ABLIM1: variants seen among roughly 807,000 people sequenced by gnomAD.
ABLIM1 encodes actin binding LIM protein 1, also known as actin-binding LIM protein 1.
In ABLIM1, 40 loss-of-function variants were observed where a neutral mutation model predicts 107.0. The ratio of observed to expected loss-of-function variants is 0.37; its 90% CI spans 0.29 to 0.49. The LOEUF (loss-of-function observed/expected upper bound fraction) is 0.49, where lower values mean the gene tolerates loss of function less well. Among genes scored for constraint, ABLIM1 ranks in the 20% least tolerant of loss-of-function variants. The pLI is 0.97. For missense variants in ABLIM1, 857 were observed against 1,008.5 expected (o/e 0.85, Z 2.04); for synonymous variants, 357 against 357.3 (o/e 1.00, Z 0.01).
intron 1 of ABLIM1, among the ~76,000 whole-genome samples, chr10:114,682,349 T>A (rs12782152): frequency 0.051 from 7,785 of 152,270 alleles, 249 homozygotes; most frequent in Middle Eastern, 0.088. Context: ...CTTCTCTTAC[T>A]AAAGAGAGAT....
chr10:114,478,924 C>G (rs1482575846), intron 8 of ABLIM1, among the ~76,000 whole-genome samples: 1 of 152,078 alleles, frequency 6.6e-6, no homozygotes, highest in Non-Finnish European at 1.5e-5. Flanking sequence ...ATTCTGTTTA[C>G]CTGTCTATAT....
intron 1 of ABLIM1, among the ~76,000 whole-genome samples, chr10:114,748,661 T>G (rs991851378): frequency 1.4e-5 from 2 of 145,272 alleles, no homozygotes; most frequent in African/African-American, 5.0e-5. Context: ...TTTTTTTTCT[T>G]TTTTTTTTTT....
chr10:114,631,031 G>A (rs2078141998), intron 1 of ABLIM1, among the ~76,000 whole-genome samples: 1 of 152,144 alleles, frequency 6.6e-6, no homozygotes, highest in Admixed American at 6.5e-5. Context: ...TCTCTAGAGA[G>A]GAGAGGGGAA....
Position 114,547,678 on chromosome 10 carries a change from T to C in ABLIM1, c.772A>G (p.Lys258Glu), listed in dbSNP as rs780677390. The C allele has an allele frequency of 1.2e-6, 2 of 1,613,850 alleles. No individual in the cohort carries two copies. Among genetic ancestry groups the C allele is most frequent in the Non-Finnish European group, 1.7e-6 (2 of 1,180,024 alleles). The change falls in exon 5 of 23, where the codon AAG (lysine) becomes GAG (glutamate). Residue 258 changes from lysine (K) to glutamate (E), a missense_variant. By Grantham distance (56) the Lys-to-Glu change is moderately conservative (BLOSUM62 1). Coordinates refer to ENST00000533213, the MANE Select transcript of ABLIM1 (RefSeq NM_002313.7). Reference sequence around the variant, plus strand: ...CTGATGTACTCCCCGGTGAGGACCTTCCCGCAGGACTTGCATTTAAAGCAC... The same window carrying C: ...CTGATGTACTCCCCGGTGAGGACCTCCCCGCAGGACTTGCATTTAAAGCAC... ...LGCFKCKSCGKVLTGEYISKD... is the reference protein window; with the variant it reads ...LGCFKCKSCGEVLTGEYISKD...
intron 8 of ABLIM1, among the ~76,000 whole-genome samples, chr10:114,481,112 T>C (rs2057297455): frequency 2.0e-5 from 3 of 152,162 alleles, no homozygotes; most frequent in Non-Finnish European, 4.4e-5. Flanking sequence ...CTCTTCCGTT[T>C]CCATTACAGG....
At chr10:114,585,076 G>A (rs898601184) in intron 2 of ABLIM1, among the ~76,000 whole-genome samples, 4 of 151,916 alleles carry the variant, frequency 2.6e-5, no homozygotes, top group Non-Finnish European at 5.9e-5. Flanking sequence ...CCATTGCACA[G>A]ATTACTTTAA....
chr10:114,646,181 T>G (rs1446436264), intron 1 of ABLIM1, among the ~76,000 whole-genome samples: 2 of 152,180 alleles, frequency 1.3e-5, no homozygotes, highest in African/African-American at 4.8e-5. Flanking sequence ...AAATTCTTCT[T>G]GGTTTTGGAT....
Position 114,652,447 on chromosome 10 carries a change from CCT to C in ABLIM1, c.244+5508_244+5509del, listed in dbSNP as rs1458959100. 2.0e-5 allele frequency among the ~76,000 whole-genome samples: 3 copies of C among 152,106 alleles called. No individual in the cohort carries two copies. In the East Asian group the frequency reaches 5.8e-4, roughly 29 times the overall value. On this transcript the variant is annotated intron_variant, in intron 1 of 22. Coordinates refer to ENST00000533213, the MANE Select transcript of ABLIM1 (RefSeq NM_002313.7). Reference sequence around the variant, plus strand: ...AGAGGTTCTCTCACTTACGTGATACCCTGAGTATCTGGGTCTTGGGAAACCAT... The same window carrying C: ...AGAGGTTCTCTCACTTACGTGATACCGAGTATCTGGGTCTTGGGAAACCAT...
chr10:114,516,820 T>C (rs2062897670), intron 6 of ABLIM1, among the ~76,000 whole-genome samples: 1 of 152,194 alleles, frequency 6.6e-6, no homozygotes, highest in Non-Finnish European at 1.5e-5. Flanking sequence ...CAAAAGCACA[T>C]TTTTCTTCCT....
At chr10:114,559,757 A>G (rs1467946788) in intron 4 of ABLIM1, among the ~76,000 whole-genome samples, 1 of 152,236 alleles carries the variant, frequency 6.6e-6, no homozygotes, top group East Asian at 1.9e-4. Context: ...ACATGGCTGA[A>G]GCTTGAAGGC....
intron 1 of ABLIM1, among the ~76,000 whole-genome samples, chr10:114,694,924 C>T (rs970795591): frequency 6.6e-6 from 1 of 152,194 alleles, no homozygotes; most frequent in African/African-American, 2.4e-5. Context: ...AGCGCCCTCA[C>T]CTGGGAACTT....
chr10:114,641,878 GTTGTTTTGTT>G lies in ABLIM1; in HGVS notation c.244+16069_244+16078del, dbSNP rs554920018. 2.5e-4 allele frequency among the ~76,000 whole-genome samples: 38 copies of G among 151,850 alleles called. 1 individual carries two copies. The South Asian group carries it at 7.1e-3, about 28-fold the overall frequency. ...TAAAGGGCCTTGGCTTTTCCCCTAA[GTTGTTTTGTT>G]TTGTTTTGTTTTGAGACAAGGTATC... On this transcript the variant is annotated intron_variant, in intron 1 of 22. Transcript: ENST00000533213.
At chr10:114,751,359 T>A (rs2082507138) in intron 1 of ABLIM1, among the ~76,000 whole-genome samples, 1 of 152,194 alleles carries the variant, frequency 6.6e-6, no homozygotes, top group African/African-American at 2.4e-5. Flanking sequence ...TTAAGTCTCA[T>A]CGGCCAATGC....
the ABLIM1 span, among the ~76,000 whole-genome samples, chr10:114,797,973 A>G: frequency 6.6e-6 from 1 of 152,232 alleles, no homozygotes; most frequent in African/African-American, 2.4e-5. Flanking sequence ...CTATAAAAAA[A>G]CTGTCATTAT....
intron 1 of ABLIM1, among the ~76,000 whole-genome samples, chr10:114,679,320 C>T (rs76880208): frequency 0.018 from 2,442 of 137,632 alleles, 63 homozygotes; most frequent in African/African-American, 0.058. Context: ...TTTCTCCCCA[C>T]CAAACAGGCC....
intron 12 of ABLIM1, among the ~76,000 whole-genome samples, chr10:114,458,094 C>CTGTGTG (rs35469132): frequency 1.5e-4 from 22 of 149,486 alleles, no homozygotes; most frequent in Middle Eastern, 3.4e-3. Context: ...CAAAACTACT[C>CTGTGTG]TGTGTGTGTG....
At chr10:114,670,454 C>T (rs1273925395) in intron 1 of ABLIM1, among the ~76,000 whole-genome samples, 1 of 152,164 alleles carries the variant, frequency 6.6e-6, no homozygotes, top group Non-Finnish European at 1.5e-5. Flanking sequence ...AATACAATCC[C>T]TCCATCCAGA....
chr10:114,515,858 A>AAGCTGGAAGAGGCCG (rs2062729393), intron 6 of ABLIM1, among the ~76,000 whole-genome samples: 1 of 152,056 alleles, frequency 6.6e-6, no homozygotes, highest in African/African-American at 2.4e-5. Context: ...GGAAGAGGCC[A>AAGCTGGAAGAGGCCG]GAAGCTGGAA....
At chr10:114,688,088 C>T (rs1196089851), upstream of ABLIM1, among the ~76,000 whole-genome samples, 3 of 152,104 alleles carry the variant, frequency 2.0e-5, no homozygotes. Context: ...GACTTTTGTC[C>T]CAACCTAATA....
Sources: allele counts gnomAD v4.1 joint callset (sites outside exome capture counted in the v4.1 genomes callset), GRCh38; gene constraint gnomAD v4.1.1; transcripts MANE v1.5; gene names NCBI Gene and HGNC (gene_info 2026-07-23, HGNC 2026-07-21).